Variants in TRPM3 observed in about 807,000 individuals in gnomAD.
TRPM3 encodes the protein transient receptor potential cation channel subfamily M member 3, also known as long transient receptor potential channel 3.
A neutral mutation model predicts 181.2 loss-of-function variants in TRPM3; 77 were observed. That is an observed-to-expected ratio of 0.42 (90% CI 0.35 to 0.51). The LOEUF (loss-of-function observed/expected upper bound fraction) is 0.51, where lower values mean the gene tolerates loss of function less well. TRPM3 is among the 20% of genes least tolerant of loss of function. The probability of loss-of-function intolerance (pLI) is 0.01; values close to 1 mark genes in which losing one functional copy is unlikely to be tolerated. For synonymous variants in TRPM3, 745 were observed against 796.4 expected, an observed-to-expected ratio of 0.94 and a Z score of 1.09; for missense variants, 1,759 against 2,196.7, an observed-to-expected ratio of 0.80 and a Z score of 3.98.
chr9:70,758,223 A>C (rs949138276), intron 8 of TRPM3, among the ~76,000 whole-genome samples: 3 of 152,192 alleles, frequency 2.0e-5, no homozygotes, highest in Non-Finnish European at 4.4e-5. Flanking sequence ...GTGAACTCCT[A>C]TTCACAATTG....
chr9:71,047,665 A>G lies in TRPM3; in HGVS notation c.177+73513T>C, dbSNP rs117470197. Among the ~76,000 whole-genome samples, 774 of 152,344 alleles carry G rather than the reference A, an allele frequency of 5.1e-3. 17 individuals carry two copies. In the East Asian group the frequency reaches 0.078, roughly 15 times the overall value. ...ACATGATTGGATCTACTCCTTTACC[A>G]TAAGCAAGAACTCATTCCTTTGTCA... On this transcript the variant is annotated intron_variant, in intron 1 of 25. Transcript: ENST00000677713.
At chr9:71,355,028 C>T (rs939059510) in intron 1 of TRPM3, among the ~76,000 whole-genome samples, 2 of 152,206 alleles carry the variant, frequency 1.3e-5, no homozygotes, top group African/African-American at 2.4e-5. Context: ...TTCTTAAACT[C>T]CTGGCAACTT....
At position 70,632,106 on chromosome 9, in the gene TRPM3, A is replaced by C. The variant is rs544925637; in HGVS notation, c.1632+3105T>G. ...CCCCCATAATTGTAAAGAAGAAAGC[A>C]CACATTAATTATTATTATTTTCTTT... On this transcript the variant is annotated intron_variant, in intron 12 of 25. Transcript: ENST00000677713. Among the ~76,000 whole-genome samples the C allele has an allele frequency of 9.2e-5, 14 of 152,320 alleles. No homozygotes were observed. The East Asian group carries it at 2.1e-3, about 23-fold the overall frequency.
At chr9:71,106,053 G>A (rs2069462272) in intron 1 of TRPM3, among the ~76,000 whole-genome samples, 2 of 152,128 alleles carry the variant, frequency 1.3e-5, no homozygotes, top group African/African-American at 4.8e-5. Flanking sequence ...ATGTTCTACT[G>A]TTCACTTAAG....
In TRPM3 at chr9:70,535,402, C is replaced by T. The variant is rs1004243134; in HGVS notation, c.*551G>A. On this transcript the variant is annotated 3_prime_UTR_variant, in exon 26 of 26. Transcript: ENST00000677713. ...GTGTTGGCATGAGAAGGATGTGGGA[C>T]GTTAGGTAGAACTGCTTGCTGCCGG... 8 of 1,549,884 alleles carry T rather than the reference C, an allele frequency of 5.2e-6. No individual in the cohort carries two copies. The highest frequency in any genetic ancestry group is 1.7e-4 in the Middle Eastern group (1 of 6,012).
At chr9:71,421,366 T>C (rs1319914555) in intron 1 of TRPM3, among the ~76,000 whole-genome samples, 1 of 151,784 alleles carries the variant, frequency 6.6e-6, no homozygotes, top group African/African-American at 2.4e-5. Context: ...AAATAAAAGT[T>C]GAAATTTAAA....
intron 1 of TRPM3, among the ~76,000 whole-genome samples, chr9:71,322,384 T>C (rs2089305225): frequency 7.2e-5 from 11 of 152,184 alleles, no homozygotes; most frequent in Admixed American, 7.2e-4. Flanking sequence ...AAAATATTTC[T>C]CATAAGATTG....
intron 1 of TRPM3, among the ~76,000 whole-genome samples, chr9:71,399,114 T>C (rs1419153619): frequency 1.1e-4 from 1 of 9,126 alleles, no homozygotes; most frequent in African/African-American, 2.6e-4. Flanking sequence ...TTCAAGAATC[T>C]TCATAACAGC....
At chr9:71,218,948 A>ATT (rs2131839676) in intron 1 of TRPM3, among the ~76,000 whole-genome samples, 1 of 152,340 alleles carries the variant, frequency 6.6e-6, no homozygotes, top group South Asian at 2.1e-4. Flanking sequence ...TAATCTGTTC[A>ATT]AAGTCCTATA....
intron 1 of TRPM3, among the ~76,000 whole-genome samples, chr9:70,953,986 G>C (rs937171034): frequency 6.6e-6 from 1 of 152,122 alleles, no homozygotes; most frequent in Non-Finnish European, 1.5e-5. Context: ...GTCTTCTCAG[G>C]CTGGGGCATC....
intron 6 of TRPM3, among the ~76,000 whole-genome samples, chr9:70,821,694 T>C (rs950819016): frequency 2.0e-5 from 3 of 152,260 alleles, no homozygotes; most frequent in Admixed American, 6.5e-5. Flanking sequence ...TTTAGATTAA[T>C]GATTTTATGT....
At chr9:70,767,306 A>T (rs1387792961) in intron 7 of TRPM3, among the ~76,000 whole-genome samples, 1 of 152,210 alleles carries the variant, frequency 6.6e-6, no homozygotes, top group Non-Finnish European at 1.5e-5. Flanking sequence ...CAAACACTCC[A>T]TGCAGACATC....
chr9:70,543,732 G>A (rs939808168), intron 25 of TRPM3, among the ~76,000 whole-genome samples: 4 of 152,132 alleles, frequency 2.6e-5, no homozygotes, highest in Non-Finnish European at 4.4e-5. Context: ...ATGACACTAG[G>A]AATACTGCTA....
upstream of TRPM3, among the ~76,000 whole-genome samples, chr9:71,124,836 C>T (rs1247745123): frequency 1.3e-5 from 2 of 152,148 alleles, no homozygotes; most frequent in Middle Eastern, 3.2e-3. Context: ...AAGGAAATGA[C>T]ACAGTGACCA....
intron 1 of TRPM3, among the ~76,000 whole-genome samples, chr9:70,927,172 C>G (rs2096728961): frequency 6.6e-6 from 1 of 152,144 alleles, no homozygotes; most frequent in African/African-American, 2.4e-5. Flanking sequence ...TTATTGTACT[C>G]TAGTTCTCTT....
chr9:70,807,002 G>A (rs1356870538), intron 6 of TRPM3, among the ~76,000 whole-genome samples: 1 of 152,098 alleles, frequency 6.6e-6, no homozygotes, highest in African/African-American at 2.4e-5. Flanking sequence ...AGATCCCCAG[G>A]GAATGAGACA....
intron 7 of TRPM3, among the ~76,000 whole-genome samples, chr9:70,782,156 A>G (rs2082596108): frequency 6.6e-6 from 1 of 152,180 alleles, no homozygotes; most frequent in African/African-American, 2.4e-5. Context: ...TTTCTGAAAA[A>G]TAGAACAAAT....
At chr9:70,962,431 T>C (rs2097145378) in intron 1 of TRPM3, among the ~76,000 whole-genome samples, 1 of 152,148 alleles carries the variant, frequency 6.6e-6, no homozygotes, top group Non-Finnish European at 1.5e-5. Flanking sequence ...TAACTCCATT[T>C]CTTAGTGGTT....
chr9:70,753,302 A>G (rs983948872), intron 8 of TRPM3, among the ~76,000 whole-genome samples: 2 of 152,194 alleles, frequency 1.3e-5, no homozygotes, highest in Admixed American at 6.5e-5. Flanking sequence ...TAACACAACC[A>G]ACAAAAGATT....
Sources: gnomAD v4.1 joint callset for allele counts (sites outside exome capture counted in the v4.1 genomes callset) on GRCh38, gnomAD v4.1.1 for gene constraint, MANE v1.5 for transcripts, NCBI Gene and HGNC (gene_info 2026-07-23, HGNC 2026-07-21) for gene names.